Variants in GLIS3 observed in about 807,000 individuals in gnomAD.
GLIS3 encodes the protein GLIS family zinc finger 3.
In GLIS3, 53 loss-of-function variants were observed where a neutral mutation model predicts 78.6. That is an observed-to-expected ratio of 0.67 (90% CI 0.54 to 0.85). The LOEUF (loss-of-function observed/expected upper bound fraction) is 0.85, where lower values mean the gene tolerates loss of function less well. Ranked by LOEUF, GLIS3 falls within the 40% of genes least tolerant of loss-of-function variation. GLIS3 has a pLI of 0.00. For synonymous variants in GLIS3, 684 were observed against 509.9 expected, an observed-to-expected ratio of 1.34 and a Z score of -4.60; for missense variants, 1,703 against 1,231.1, an observed-to-expected ratio of 1.38 and a Z score of -5.74.
At position 4,188,889 on chromosome 9, in the gene GLIS3, T is replaced by C. The variant is rs570241321; in HGVS notation, c.389-62948A>G. On this transcript the variant is annotated intron_variant, in intron 2 of 10. Coordinates refer to ENST00000381971, the MANE Select transcript of GLIS3 (RefSeq NM_001042413.2). ...GCATCTATTTCACTCTTCTCTCTTT[T>C]TTTCTTTATTAGTCTTGCTAGCGGT... Among the ~76,000 whole-genome samples, 9 of 152,318 alleles carry C rather than the reference T, an allele frequency of 5.9e-5. No homozygotes were observed. The East Asian group carries it at 1.7e-3, about 29-fold the overall frequency.
At chr9:4,485,016 GGGTGGGGGT>G in the GLIS3 span, among the ~76,000 whole-genome samples, 34 of 150,374 alleles carry the variant, frequency 2.3e-4, no homozygotes, top group African/African-American at 8.3e-4. Flanking sequence ...TTTTTTGGGG[GGGTGGGGGT>G]GGTGGGGGGA....
chr9:4,293,608 C>T (rs1040418052), intron 1 of GLIS3, among the ~76,000 whole-genome samples: 1 of 152,230 alleles, frequency 6.6e-6, no homozygotes, highest in African/African-American at 2.4e-5. Flanking sequence ...TTTCTTCACA[C>T]ACAAGAATAA....
chr9:4,101,429 G>T (rs1830361719), intron 4 of GLIS3, among the ~76,000 whole-genome samples: 1 of 152,078 alleles, frequency 6.6e-6, no homozygotes, highest in Non-Finnish European at 1.5e-5. Context: ...AGCATAGTGG[G>T]ATATTTATTA....
chr9:4,138,608 G>C (rs1010114750), intron 2 of GLIS3, among the ~76,000 whole-genome samples: 2 of 152,132 alleles, frequency 1.3e-5, no homozygotes, highest in Non-Finnish European at 2.9e-5. Flanking sequence ...AGGCAGCATG[G>C]GGGAAGCCGT....
At chr9:4,177,790 T>C (rs1466498815) in intron 2 of GLIS3, among the ~76,000 whole-genome samples, 2 of 152,172 alleles carry the variant, frequency 1.3e-5, no homozygotes, top group African/African-American at 2.4e-5. Context: ...TTTCTGAAAG[T>C]GCAGTTGGTG....
At chr9:4,223,881 T>G (rs137994988) in intron 2 of GLIS3, among the ~76,000 whole-genome samples, 128 of 152,250 alleles carry the variant, frequency 8.4e-4, no homozygotes, top group East Asian at 6.4e-3. Context: ...ACCTGTTCTC[T>G]AATAAATTTC....
At chr9:4,262,950 A>C (rs1445750187) in intron 2 of GLIS3, among the ~76,000 whole-genome samples, 1 of 152,104 alleles carries the variant, frequency 6.6e-6, no homozygotes, top group East Asian at 1.9e-4. Flanking sequence ...AAAAAAAAAA[A>C]AAAAAATCCC....
chr9:4,401,469 G>A, the GLIS3 span, among the ~76,000 whole-genome samples: 1 of 151,638 alleles, frequency 6.6e-6, no homozygotes, highest in Admixed American at 6.6e-5. Flanking sequence ...TCTCCATGTT[G>A]GTCAGGCTGG....
chr9:4,319,829 A>T (rs1194278073), intron 2 of GLIS3, among the ~76,000 whole-genome samples: 2 of 152,144 alleles, frequency 1.3e-5, no homozygotes, highest in Non-Finnish European at 2.9e-5. Flanking sequence ...TTTCTACCCC[A>T]ATAACGTTAT....
chr9:4,373,672 T>C, the GLIS3 span, among the ~76,000 whole-genome samples: 1,725 of 140,896 alleles, frequency 0.012, 12 homozygotes, highest in Non-Finnish European at 0.019. Flanking sequence ...TTTCTTTTCT[T>C]TTTTTTTTTT....
the GLIS3 span, among the ~76,000 whole-genome samples, chr9:4,413,357 T>A: frequency 6.6e-6 from 1 of 152,206 alleles, no homozygotes; most frequent in Non-Finnish European, 1.5e-5. Flanking sequence ...CTCTGTTTAA[T>A]AACACATTCT....
intron 4 of GLIS3, among the ~76,000 whole-genome samples, chr9:4,056,019 A>T (rs1826127637): frequency 6.6e-6 from 1 of 152,144 alleles, no homozygotes; most frequent in Non-Finnish European, 1.5e-5. Context: ...TGATAGGATG[A>T]TCATGCGCAA....
At chr9:3,917,880 A>G (rs1304824911) in intron 6 of GLIS3, among the ~76,000 whole-genome samples, 1 of 152,218 alleles carries the variant, frequency 6.6e-6, no homozygotes, top group African/African-American at 2.4e-5. Context: ...TTGCTATACA[A>G]TGAAAAAATA....
chr9:4,260,048 G>A (rs900872292), intron 2 of GLIS3, among the ~76,000 whole-genome samples: 2 of 151,978 alleles, frequency 1.3e-5, no homozygotes, highest in South Asian at 2.1e-4. Flanking sequence ...GAATTAGGTG[G>A]TTCTATAGAA....
chr9:4,178,463 T>C (rs537758464), intron 2 of GLIS3, among the ~76,000 whole-genome samples: 9 of 152,300 alleles, frequency 5.9e-5, no homozygotes, highest in African/African-American at 1.9e-4. Flanking sequence ...GGGACGATAC[T>C]AGAAAAATCT....
chr9:4,164,863 T>G (rs1418775350), intron 2 of GLIS3, among the ~76,000 whole-genome samples: 1 of 152,164 alleles, frequency 6.6e-6, no homozygotes, highest in African/African-American at 2.4e-5. Context: ...AAAAGATGCT[T>G]AATCTTGACA....
intron 2 of GLIS3, among the ~76,000 whole-genome samples, chr9:4,229,170 G>T (rs1431993492): frequency 6.6e-6 from 1 of 152,174 alleles, no homozygotes; most frequent in Non-Finnish European, 1.5e-5. Context: ...GATACATGAG[G>T]GAACAGCAAC....
the GLIS3 span, among the ~76,000 whole-genome samples, chr9:4,368,713 G>C: frequency 6.6e-6 from 1 of 152,164 alleles, no homozygotes; most frequent in African/African-American, 2.4e-5. Context: ...CTTTGACGAA[G>C]CCACTTCGTG....
At chr9:4,385,539 C>T in the GLIS3 span, among the ~76,000 whole-genome samples, 1 of 151,658 alleles carries the variant, frequency 6.6e-6, no homozygotes, top group African/African-American at 2.4e-5. Flanking sequence ...GTGATGGGCA[C>T]CTGTAATCCC....
Sources: allele counts gnomAD v4.1 joint callset (sites outside exome capture counted in the v4.1 genomes callset), GRCh38; gene constraint gnomAD v4.1.1; transcripts MANE v1.5; gene names NCBI Gene and HGNC (gene_info 2026-07-23, HGNC 2026-07-21).